JMJD1C: variants seen among roughly 807,000 people sequenced by gnomAD.
JMJD1C encodes jumonji domain containing 1C, also known as jumonji domain-containing protein 1C.
In JMJD1C, 31 loss-of-function variants were observed where a neutral mutation model predicts 245.3. The ratio of observed to expected loss-of-function variants is 0.13; its 90% CI spans 0.09 to 0.17. The LOEUF (loss-of-function observed/expected upper bound fraction) is 0.17, where lower values mean the gene tolerates loss of function less well. Among genes scored for constraint, JMJD1C ranks in the 10% least tolerant of loss-of-function variants. The pLI is 1.00. For missense variants in JMJD1C, 2,691 were observed against 3,000.2 expected (o/e 0.90, Z 2.41); for synonymous variants, 1,057 against 1,017.4 (o/e 1.04, Z -0.74).
At chr10:63,340,855 G>A (rs960471039) in intron 2 of JMJD1C, among the ~76,000 whole-genome samples, 9 of 152,024 alleles carry the variant, frequency 5.9e-5, no homozygotes, top group Non-Finnish European at 1.2e-4. Flanking sequence ...TGAGGCAGGA[G>A]AATCGCTTGA....
intron 3 of JMJD1C, among the ~76,000 whole-genome samples, chr10:63,240,440 C>G (rs1404042648): frequency 6.6e-6 from 1 of 152,114 alleles, no homozygotes; most frequent in East Asian, 1.9e-4. Context: ...TGCAAAGGTT[C>G]AGTAGGACAG....
chr10:63,171,328 TA>T (rs1351325700), intron 24 of JMJD1C, among the ~76,000 whole-genome samples: 1 of 152,142 alleles, frequency 6.6e-6, no homozygotes, highest in Non-Finnish European at 1.5e-5. Flanking sequence ...GTTACCAAGG[TA>T]AGATTTGTAA....
chr10:63,318,477 T>C (rs1227944582), intron 2 of JMJD1C, among the ~76,000 whole-genome samples: 1 of 152,228 alleles, frequency 6.6e-6, no homozygotes, highest in Non-Finnish European at 1.5e-5. Flanking sequence ...TTGAGTATAC[T>C]GAGTATATTA....
At chr10:63,311,114 T>G (rs1589445483) in intron 2 of JMJD1C, among the ~76,000 whole-genome samples, 1 of 151,616 alleles carries the variant, frequency 6.6e-6, no homozygotes, top group African/African-American at 2.4e-5. Context: ...CTCATGCCTG[T>G]AATCCCAGCA....
Position 63,272,503 on chromosome 10 carries a change from G to A in JMJD1C, c.334-7739C>T, listed in dbSNP as rs986184483. ...TGACCTCAGGTGATCCACCCGCCTC[G>A]GCCTCCCAAAGTTGCTGGGATTACA... On this transcript the variant is annotated intron_variant, in intron 2 of 25. Transcript: ENST00000399262. 5.3e-5 allele frequency among the ~76,000 whole-genome samples: 8 copies of A among 152,208 alleles called. No homozygotes were observed. The East Asian group carries it at 1.2e-3, about 22-fold the overall frequency.
chr10:63,205,234 T>G (rs140698626), intron 10 of JMJD1C, among the ~76,000 whole-genome samples: 88 of 152,346 alleles, frequency 5.8e-4, no homozygotes, highest in African/African-American at 1.7e-3. Flanking sequence ...TCCCCTTATG[T>G]TAATTTTTAC....
At position 63,208,182 on chromosome 10, in the gene JMJD1C, T is replaced by G. The variant is rs1564609292; in HGVS notation, c.3487A>C (p.Ile1163Leu). 1 of 1,613,550 alleles carries G rather than the reference T, an allele frequency of 6.2e-7. No homozygotes were observed. Among genetic ancestry groups the G allele is most frequent in the Non-Finnish European group, 8.5e-7 (1 of 1,179,970 alleles). ...ATCTGATGTGGAAGATGTTCTGGTA[T>G]CTTGCCTACTAAACCTTCACTTTCT... Reference protein sequence around the residue: ...QPESEGLVGKIPEHLPHQIAS... With the variant: ...QPESEGLVGKLPEHLPHQIAS... Residue 1163 changes from isoleucine (I) to leucine (L), a missense_variant, in exon 10 of 26, where the codon ATA becomes CTA. This residue lies in a region of JMJD1C where 1,562 missense variants were observed against 1,490.7 expected (regional missense o/e 1.05). Transcript: ENST00000399262.
Position 63,274,755 on chromosome 10 carries a change from C to T in JMJD1C, c.334-9991G>A, listed in dbSNP as rs114687565. Among the ~76,000 whole-genome samples the T allele has an allele frequency of 7.2e-3, 1,089 of 152,208 alleles. 18 individuals carry two copies. The highest frequency in any genetic ancestry group is 0.025 in the African/African-American group (1,032 of 41,534). Reference sequence around the variant, plus strand: ...AAACATTGTAGCACATTCATTCAATCAATAGGTATAAAATGGCTTCTATGT... The same window carrying T: ...AAACATTGTAGCACATTCATTCAATTAATAGGTATAAAATGGCTTCTATGT... On this transcript the variant is annotated intron_variant, in intron 2 of 25. Coordinates refer to ENST00000399262, the MANE Select transcript of JMJD1C (RefSeq NM_032776.3).
At chr10:63,176,711 A>AC in intron 23 of JMJD1C, 1 of 370,288 alleles carries the variant, frequency 2.7e-6, no homozygotes, top group Non-Finnish European at 4.9e-6. Context: ...CCTTCTCACC[A>AC]CCTCCTTCCA....
chr10:63,281,458 C>CTTT lies in JMJD1C; in HGVS notation c.334-16697_334-16695dup, dbSNP rs71025144. Among the ~76,000 whole-genome samples, 38 of 65,388 alleles carry CTTT rather than the reference C, an allele frequency of 5.8e-4. 4 individuals carry two copies. The highest frequency in any genetic ancestry group is 2.0e-3 in the African/African-American group (28 of 14,208). 42.9% of individuals were successfully genotyped at this position (65,388 alleles called of 152,430 possible). ...ACAGGCGTGAGCCACTGCGCCTGGC[C>CTTT]TTTTTTTTTTTTTTTTTTTTTTTTT... On this transcript the variant is annotated intron_variant, in intron 2 of 25. Transcript: ENST00000399262.
chr10:63,446,297 C>T (rs1951717321), intron 1 of JMJD1C, among the ~76,000 whole-genome samples: 3 of 152,144 alleles, frequency 2.0e-5, no homozygotes, highest in Admixed American at 1.3e-4. Context: ...GATGGAGTTG[C>T]TATTTACTGG....
At chr10:63,394,922 T>A (rs1564873564) in intron 1 of JMJD1C, among the ~76,000 whole-genome samples, 1 of 147,902 alleles carries the variant, frequency 6.8e-6, no homozygotes, top group Non-Finnish European at 1.5e-5. Flanking sequence ...TTAAAAAAAA[T>A]GAAAACAAGC....
intron 1 of JMJD1C, among the ~76,000 whole-genome samples, chr10:63,383,196 C>G (rs1439549310): frequency 7.1e-6 from 1 of 140,858 alleles, no homozygotes; most frequent in Non-Finnish European, 1.5e-5. Flanking sequence ...GTTTATACTG[C>G]TGCCCACTAG....
At chr10:63,403,185 A>G (rs1450415699) in intron 1 of JMJD1C, among the ~76,000 whole-genome samples, 2 of 152,236 alleles carry the variant, frequency 1.3e-5, no homozygotes, top group Non-Finnish European at 2.9e-5. Context: ...AGGGATGCCC[A>G]AAGCTAGTAT....
At chr10:63,415,937 G>C (rs1398798632) in intron 1 of JMJD1C, among the ~76,000 whole-genome samples, 1 of 152,094 alleles carries the variant, frequency 6.6e-6, no homozygotes, top group African/African-American at 2.4e-5. Context: ...TGTTTTTGCT[G>C]AACTCCCACA....
intron 2 of JMJD1C, among the ~76,000 whole-genome samples, chr10:63,276,134 G>C (rs1856746357): frequency 6.6e-6 from 1 of 152,036 alleles, no homozygotes; most frequent in Non-Finnish European, 1.5e-5. Context: ...TTAACTGGTA[G>C]TCTTTGAAAA....
At chr10:63,337,072 C>A (rs1454002938) in intron 2 of JMJD1C, among the ~76,000 whole-genome samples, 2 of 151,938 alleles carry the variant, frequency 1.3e-5, no homozygotes, top group African/African-American at 4.8e-5. Flanking sequence ...AGCTCCTGAC[C>A]TCAGGTGATC....
chr10:63,191,983 CAAAAAAAAAA>C (rs10652559), intron 16 of JMJD1C, among the ~76,000 whole-genome samples: 2 of 60,824 alleles, frequency 3.3e-5, no homozygotes, highest in African/African-American at 2.0e-4. Context: ...GACTCTGTCT[CAAAAAAAAAA>C]AAAAAAAAAA....
chr10:63,433,248 T>C (rs550997084), intron 1 of JMJD1C, among the ~76,000 whole-genome samples: 23 of 151,844 alleles, frequency 1.5e-4, no homozygotes, highest in Non-Finnish European at 3.1e-4. Flanking sequence ...AGGAAAGCGC[T>C]ACCATGCCCG....
Sources: allele counts gnomAD v4.1 joint callset (sites outside exome capture counted in the v4.1 genomes callset), GRCh38; gene constraint gnomAD v4.1.1; regional missense constraint gnomAD v4.1.1; transcripts MANE v1.5; gene names NCBI Gene and HGNC (gene_info 2026-07-23, HGNC 2026-07-21).